The following UCK2 variants were observed in gnomAD, a reference collection of about 807,000 sequenced individuals.
The protein encoded by UCK2 is cytidine monophosphokinase 2.
UCK2 carries 6 observed loss-of-function variants against 30.8 expected under a neutral mutation model. The ratio of observed to expected loss-of-function variants is 0.19; its 90% confidence interval spans 0.11 to 0.38. The LOEUF (loss-of-function observed/expected upper bound fraction) is 0.38. Ranked by LOEUF, UCK2 falls within the 10% of genes least tolerant of loss-of-function variation. The pLI, the probability that UCK2 is intolerant of heterozygous loss-of-function variation, is 1.00. For missense variants in UCK2, 210 were observed against 339.8 expected (o/e 0.62, Z 3.00); for synonymous variants, 125 against 133.6 (o/e 0.94, Z 0.45).
At chr1:165,896,440 C>A in intron 4 of UCK2, 108 bp downstream of exon 4, 2 of 1,308,192 alleles carry the variant, frequency 1.5e-6, no homozygotes, top group Admixed American at 1.9e-5. Context: ...CCCATGCCTT[C>A]CCTGAGGCAG....
At chr1:165,853,492 G>A (rs1180386492) in intron 1 of UCK2, among the ~76,000 whole-genome samples, 3 of 151,274 alleles carry the variant, frequency 2.0e-5, no homozygotes, top group South Asian at 2.1e-4. Flanking sequence ...ACCCACCCCC[G>A]CTCCAACCAG....
intron 1 of UCK2, among the ~76,000 whole-genome samples, chr1:165,855,536 G>T (rs1238678272): frequency 7.1e-6 from 1 of 139,890 alleles, no homozygotes; most frequent in Non-Finnish European, 1.5e-5. Flanking sequence ...TTTCTTGCAA[G>T]CTCCTTCTGT....
At chr1:165,896,459 C>T (rs886760543) in intron 4 of UCK2, 127 bp downstream of exon 4, 13 of 1,082,052 alleles carry the variant, frequency 1.2e-5, no homozygotes, top group Non-Finnish European at 1.6e-5. Context: ...AGCTGTGTGT[C>T]GCATGGTCCA....
intron 1 of UCK2, among the ~76,000 whole-genome samples, chr1:165,853,608 A>G (rs1166389804): frequency 3.3e-5 from 5 of 151,858 alleles, no homozygotes. Context: ...TGCTTCCCTC[A>G]CTAAACATCA....
At position 165,890,230 on chromosome 1, in the gene UCK2, G is replaced by A; in HGVS notation, c.126G>A (p.Gln42=). 6.2e-7 allele frequency: 1 copy of A among 1,614,156 alleles called. No individual in the cohort carries two copies. The highest frequency in any genetic ancestry group is 8.5e-7 in the Non-Finnish European group (1 of 1,180,036). The change falls in exon 2 of 7, where the codon CAG becomes CAA. Residue 42 remains glutamine (Q), a synonymous_variant. Coordinates refer to ENST00000367879, the MANE Select transcript of UCK2 (RefSeq NM_012474.5). ...CTTCCGTGTGTGCTAAGATCGTGCA[G>A]CTCCTGGGGCAGAATGAGGTGGACT... ...GKSSVCAKIV[Q]LLGQNEVDYR...
At chr1:165,876,510 C>T (rs982469505) in intron 1 of UCK2, among the ~76,000 whole-genome samples, 2 of 152,122 alleles carry the variant, frequency 1.3e-5, no homozygotes, top group Admixed American at 6.6e-5. Flanking sequence ...TGCAATGATA[C>T]ATCTTTATGA....
At chr1:165,894,177 T>C (rs1655835521) in intron 3 of UCK2, 1 of 152,174 alleles carries the variant, frequency 6.6e-6, no homozygotes, top group Non-Finnish European at 1.5e-5. Flanking sequence ...ATTCAAAAAT[T>C]CTAAACACCT....
chr1:165,835,662 G>T (rs1311585770), intron 1 of UCK2, among the ~76,000 whole-genome samples: 1 of 152,048 alleles, frequency 6.6e-6, no homozygotes, highest in Non-Finnish European at 1.5e-5. Flanking sequence ...TTGACCTATT[G>T]TCATACATTT....
intron 1 of UCK2, among the ~76,000 whole-genome samples, chr1:165,834,747 G>A (rs925122333): frequency 6.6e-6 from 1 of 151,942 alleles, no homozygotes; most frequent in Non-Finnish European, 1.5e-5. Flanking sequence ...TAAAGCAGTT[G>A]TTTTTACTTG....
chr1:165,876,470 G>A (rs964254925), intron 1 of UCK2, among the ~76,000 whole-genome samples: 5 of 152,022 alleles, frequency 3.3e-5, no homozygotes, highest in Admixed American at 6.6e-5. Context: ...GAAAACACCA[G>A]GAAAAATTCT....
chr1:165,854,598 AAAATAAATAAAT>A lies in UCK2; in HGVS notation c.99+26702_99+26713del, dbSNP rs10571444. On this transcript the variant is annotated intron_variant, in intron 1 of 6. Coordinates refer to ENST00000367879, the MANE Select transcript of UCK2 (RefSeq NM_012474.5). ...ATTGCTAACTAGGCTTCCTTTTTTA[AAAATAAATAAAT>A]AAATAAATAAATAAATAAATAAATA... 6.0e-3 allele frequency among the ~76,000 whole-genome samples: 856 copies of A among 143,682 alleles called. 1 individual carries two copies. The highest frequency in any genetic ancestry group is 7.1e-3 in the African/African-American group (278 of 39,026). The allele number at this position is 143,682 out of a possible 152,430, so 94.3% of individuals were successfully genotyped here. A position where few individuals can be genotyped will look rare whatever the true frequency, so the allele number is the denominator to read the frequency against.
At chr1:165,843,553 G>A (rs1305026550) in intron 1 of UCK2, among the ~76,000 whole-genome samples, 1 of 152,094 alleles carries the variant, frequency 6.6e-6, no homozygotes, top group Non-Finnish European at 1.5e-5. Context: ...CAAGGCAGGA[G>A]GATCACTTGA....
intron 1 of UCK2, among the ~76,000 whole-genome samples, chr1:165,867,433 T>C (rs1219645332): frequency 6.6e-6 from 1 of 152,250 alleles, no homozygotes. Flanking sequence ...GAGTCAATTT[T>C]ACCTTTCGAC....
chr1:165,878,369 C>T (rs1655393610), intron 1 of UCK2, among the ~76,000 whole-genome samples: 1 of 150,372 alleles, frequency 6.7e-6, no homozygotes, highest in Non-Finnish European at 1.5e-5. Context: ...CTTGCTCTGT[C>T]ACCCGGGCTG....
rs1181284624 is a variant in UCK2 at position 165,908,633 on chromosome 1, C to G, written c.*810C>G. On this transcript the variant is annotated 3_prime_UTR_variant, in exon 7 of 7. Transcript: ENST00000367879. ...TCTCTCCAAGAAGCCAGAGCTGCCT[C>G]TTTCCTTCCCTGGAAGAGATTTTAT... 4 of 152,064 alleles carry G rather than the reference C, an allele frequency of 2.6e-5. No homozygotes were observed. Among genetic ancestry groups the G allele is most frequent in the Non-Finnish European group, 5.9e-5 (4 of 68,018 alleles). The allele number at this position is 152,064 out of a possible 1,614,324, so 9.4% of individuals were successfully genotyped here. A position where few individuals can be genotyped will look rare whatever the true frequency, so the allele number is the denominator to read the frequency against.
chr1:165,868,989 AG>A (rs1281465751), intron 1 of UCK2, among the ~76,000 whole-genome samples: 1 of 152,218 alleles, frequency 6.6e-6, no homozygotes. Flanking sequence ...AGGCCATTGT[AG>A]GGTATTAATT....
chr1:165,874,358 A>G (rs1386552112), intron 1 of UCK2, among the ~76,000 whole-genome samples: 1 of 152,190 alleles, frequency 6.6e-6, no homozygotes, highest in African/African-American at 2.4e-5. Context: ...GGAGGTATCA[A>G]ATGAGACATA....
intron 4 of UCK2, among the ~76,000 whole-genome samples, chr1:165,896,803 G>A (rs1647272110): frequency 6.6e-6 from 1 of 152,158 alleles, no homozygotes; most frequent in South Asian, 2.1e-4. Context: ...GCTTTATGGA[G>A]GCATTATCAC....
At chr1:165,828,108 G>A (rs1189688899) in intron 1 of UCK2, among the ~76,000 whole-genome samples, 176 bp downstream of exon 1, 2 of 151,202 alleles carry the variant, frequency 1.3e-5, no homozygotes, top group South Asian at 4.1e-4. Flanking sequence ...CGCTGCGGCG[G>A]GGGCAGGCGA....
Sources: allele counts gnomAD v4.1 joint callset (sites outside exome capture counted in the v4.1 genomes callset), GRCh38; gene constraint gnomAD v4.1.1; transcripts MANE v1.5; gene names NCBI Gene and HGNC (gene_info 2026-07-23, HGNC 2026-07-21).